ATP8B4: variants seen among roughly 807,000 people sequenced by gnomAD.
The protein encoded by ATP8B4 is probable phospholipid-transporting ATPase IM.
Under a neutral mutation model 145.6 loss-of-function variants are expected in ATP8B4, and 133 were observed. The observed-to-expected ratio is 0.91, with a 90% CI of 0.79 to 1.05. ATP8B4 has a LOEUF of 1.05. Ranked by LOEUF, ATP8B4 falls within the 50% of genes least tolerant of loss-of-function variation. ATP8B4 has a pLI of 0.00. For missense variants in ATP8B4, 1,458 were observed against 1,425.2 expected, an observed-to-expected ratio of 1.02 and a Z score of -0.37; for synonymous variants, 507 against 492.9, an observed-to-expected ratio of 1.03 and a Z score of -0.38.
chr15:49,961,778 TA>T (rs1224261450), intron 14 of ATP8B4, among the ~76,000 whole-genome samples, 198 bp downstream of exon 14: 1 of 152,080 alleles, frequency 6.6e-6, no homozygotes, highest in East Asian at 1.9e-4. Context: ...ATCTCAAGAA[TA>T]AAAAATAGAA....
intron 14 of ATP8B4, among the ~76,000 whole-genome samples, chr15:49,940,235 G>A (rs915655864): frequency 1.3e-5 from 2 of 152,140 alleles, no homozygotes; most frequent in African/African-American, 2.4e-5. Flanking sequence ...ATGAAATCAT[G>A]CCCTTTGTAG....
intron 14 of ATP8B4, among the ~76,000 whole-genome samples, chr15:49,953,963 C>A (rs1215846012): frequency 1.3e-5 from 2 of 152,180 alleles, no homozygotes; most frequent in African/African-American, 4.8e-5. Context: ...GTAGGCCGCC[C>A]ACCACACTGC....
chr15:49,976,771 G>T (rs2045702913), intron 12 of ATP8B4, among the ~76,000 whole-genome samples: 1 of 152,168 alleles, frequency 6.6e-6, no homozygotes, highest in Non-Finnish European at 1.5e-5. Context: ...GGATTCAGAA[G>T]ACTCACAGTG....
At chr15:50,023,785 AAAAAAAAAAAAGAAAAAAAAG>A (rs1156721129) in intron 6 of ATP8B4, among the ~76,000 whole-genome samples, 1 of 148,344 alleles carries the variant, frequency 6.7e-6, no homozygotes, top group Non-Finnish European at 1.5e-5. Context: ...AAGGCAAAAA[AAAAAAAAAAAAGAAAAAAAAG>A]AAAAAAAAAA....
chr15:49,916,916 C>G lies in ATP8B4; in HGVS notation c.2141+18G>C, dbSNP rs1218649793. On this transcript the variant is annotated intron_variant, in intron 20 of 27. Coordinates refer to ENST00000284509, the MANE Select transcript of ATP8B4 (RefSeq NM_024837.4). ...CCCTCTCGTCCTTCCATCCTTTCCTCCTTCCTTCAACACCTACCTGAGTTC... is the reference window on the plus strand; with the variant it reads ...CCCTCTCGTCCTTCCATCCTTTCCTGCTTCCTTCAACACCTACCTGAGTTC... The G allele has an allele frequency of 1.7e-5, 27 of 1,606,060 alleles. No homozygotes were observed. The highest frequency in any genetic ancestry group is 2.3e-5 in the Non-Finnish European group (27 of 1,173,666).
chr15:49,951,971 C>G (rs142851732), intron 14 of ATP8B4, among the ~76,000 whole-genome samples: 1 of 152,050 alleles, frequency 6.6e-6, no homozygotes, highest in South Asian at 2.1e-4. Context: ...TGGCTGGATA[C>G]GAAATCCTGG....
chr15:49,987,079 G>A (rs370650291), intron 10 of ATP8B4, among the ~76,000 whole-genome samples: 1 of 152,150 alleles, frequency 6.6e-6, no homozygotes, highest in Admixed American at 6.5e-5. Flanking sequence ...TACATAAAAT[G>A]ACAAAGGTGA....
At chr15:49,969,812 A>G (rs1230005410) in intron 13 of ATP8B4, among the ~76,000 whole-genome samples, 3 of 152,222 alleles carry the variant, frequency 2.0e-5, no homozygotes, top group Admixed American at 2.0e-4. Flanking sequence ...GGGAAGAGAC[A>G]CAACAAAAAA....
At chr15:49,983,270 G>A (rs1214758065) in intron 10 of ATP8B4, among the ~76,000 whole-genome samples, 1 of 152,048 alleles carries the variant, frequency 6.6e-6, no homozygotes, top group Non-Finnish European at 1.5e-5. Flanking sequence ...ATTCTTCTAA[G>A]GCCTCTCAAG....
chr15:50,151,233 G>A (rs2044343093), intron 1 of ATP8B4, among the ~76,000 whole-genome samples: 1 of 152,192 alleles, frequency 6.6e-6, no homozygotes, highest in Non-Finnish European at 1.5e-5. Context: ...ACAATGCACA[G>A]AGTTACAATG....
intron 14 of ATP8B4, among the ~76,000 whole-genome samples, chr15:49,948,071 T>C (rs948680229): frequency 1.3e-5 from 2 of 152,124 alleles, no homozygotes; most frequent in African/African-American, 4.8e-5. Context: ...CAATGACTTC[T>C]TGCATAGACA....
At chr15:49,949,825 A>G (rs1035000802) in intron 14 of ATP8B4, among the ~76,000 whole-genome samples, 4 of 152,122 alleles carry the variant, frequency 2.6e-5, no homozygotes, top group Non-Finnish European at 4.4e-5. Context: ...TTATTTTGAG[A>G]TATGTCCCAT....
intron 1 of ATP8B4, among the ~76,000 whole-genome samples, chr15:50,108,740 G>A (rs979610854): frequency 2.6e-5 from 4 of 152,074 alleles, no homozygotes; most frequent in African/African-American, 9.7e-5. Context: ...CTTCCTGTGT[G>A]TTCCCGTAGA....
intron 6 of ATP8B4, among the ~76,000 whole-genome samples, chr15:50,036,113 T>C (rs984357056): frequency 6.6e-5 from 10 of 152,232 alleles, no homozygotes; most frequent in African/African-American, 2.2e-4. Flanking sequence ...ACTACTATCT[T>C]ATACCTGCTT....
At chr15:50,103,704 T>A (rs575760851) in intron 2 of ATP8B4, among the ~76,000 whole-genome samples, 6 of 152,152 alleles carry the variant, frequency 3.9e-5, no homozygotes, top group African/African-American at 1.2e-4. Flanking sequence ...AATACCAACA[T>A]CATTTTTCAC....
At position 49,859,851 on chromosome 15, in the gene ATP8B4, C is replaced by G. The variant is rs1362600871; in HGVS notation, c.*343G>C. On this transcript the variant is annotated 3_prime_UTR_variant, in exon 28 of 28. Coordinates refer to ENST00000284509, the MANE Select transcript of ATP8B4 (RefSeq NM_024837.4). ...TGCACCCTTTTATCCGCCTGAGGAT[C>G]CATTCAGTGAATATGCAGCTTTACA... is the stretch of plus-strand genomic sequence containing the variant. The G allele has an allele frequency of 2.1e-5, 5 of 233,758 alleles. No homozygotes were observed. The highest frequency in any genetic ancestry group is 4.1e-5 in the Non-Finnish European group (5 of 120,954). The allele number at this position is 233,758 out of a possible 1,614,324, so 14.5% of individuals were successfully genotyped here. A position where few individuals can be genotyped will look rare whatever the true frequency, so the allele number is the denominator to read the frequency against.
chr15:50,005,266 T>C (rs8041864), intron 7 of ATP8B4, among the ~76,000 whole-genome samples: 72,935 of 151,974 alleles, frequency 0.48, 18,405 homozygotes, highest in East Asian at 0.63. Flanking sequence ...TCAGAAGGAA[T>C]CTGAAAAGAA....
chr15:50,149,463 T>C (rs550827391), intron 1 of ATP8B4, among the ~76,000 whole-genome samples: 1 of 152,250 alleles, frequency 6.6e-6, no homozygotes, highest in East Asian at 1.9e-4. Context: ...TATGTGTATG[T>C]GCACTAAGCC....
chr15:49,924,779 T>C (rs2153458706), intron 16 of ATP8B4, among the ~76,000 whole-genome samples: 1 of 152,304 alleles, frequency 6.6e-6, no homozygotes, highest in South Asian at 2.1e-4. Context: ...AGAACTCATG[T>C]GGGTTTTCTT....
Sources: gnomAD v4.1 joint callset for allele counts (sites outside exome capture counted in the v4.1 genomes callset) on GRCh38, gnomAD v4.1.1 for gene constraint, MANE v1.5 for transcripts, NCBI Gene and HGNC (gene_info 2026-07-23, HGNC 2026-07-21) for gene names.